SPATA13: variants seen among roughly 807,000 people sequenced by gnomAD.
SPATA13 encodes spermatogenesis associated 13.
SPATA13 carries 50 observed loss-of-function variants against 104.0 expected under a neutral mutation model. The observed-to-expected ratio is 0.48, with a 90% CI of 0.38 to 0.61. The LOEUF (loss-of-function observed/expected upper bound fraction) is 0.61, where lower values mean the gene tolerates loss of function less well. SPATA13 is among the 20% of genes least tolerant of loss of function. The pLI, the probability that SPATA13 is intolerant of heterozygous loss-of-function variation, is 0.00. For missense variants in SPATA13, 1,524 were observed against 1,690.6 expected (o/e 0.90, Z 1.73); for synonymous variants, 606 against 667.5 (o/e 0.91, Z 1.42).
Position 24,189,257 on chromosome 13 carries a change from G to C in SPATA13, c.-112+28325G>C, listed in dbSNP as rs371862175. Reference sequence around the variant, plus strand: ...GAGGCCGAGGCCGGTGGATCACGACGTCAGGAGATGGAGACCATCCTGGCT... The same window carrying C: ...GAGGCCGAGGCCGGTGGATCACGACCTCAGGAGATGGAGACCATCCTGGCT... On this transcript the variant is annotated intron_variant, in intron 1 of 12. Transcript: ENST00000382108. Among the ~76,000 whole-genome samples the C allele has an allele frequency of 7.6e-3, 1,156 of 151,896 alleles. 20 individuals are homozygous for C. The highest frequency in any genetic ancestry group is 0.039 in the South Asian group (189 of 4,810).
chr13:24,232,867 T>A, intron 2 of SPATA13, among the ~76,000 whole-genome samples: 1 of 152,220 alleles, frequency 6.6e-6, no homozygotes, highest in East Asian at 1.9e-4. Context: ...TAATATTTTT[T>A]AAAGAGTCAA....
chr13:24,110,463 A>C (rs1880602716), intron 3 of SPATA13, among the ~76,000 whole-genome samples: 1 of 152,104 alleles, frequency 6.6e-6, no homozygotes, highest in African/African-American at 2.4e-5. Flanking sequence ...TCAACTCCAA[A>C]CCCCTTGACT....
intron 4 of SPATA13, among the ~76,000 whole-genome samples, chr13:24,271,172 T>C (rs1874584414): frequency 1.3e-5 from 2 of 151,844 alleles, no homozygotes; most frequent in Admixed American, 1.3e-4. Flanking sequence ...GTTGAAGAAA[T>C]TGGTTTTGTT....
chr13:24,062,747 G>A (rs1422396577), intron 3 of SPATA13, among the ~76,000 whole-genome samples: 1 of 152,076 alleles, frequency 6.6e-6, no homozygotes, highest in South Asian at 2.1e-4. Context: ...TATGTGCACC[G>A]TGTCTGCATG....
At chr13:24,104,375 A>AT (rs1223710383) in intron 3 of SPATA13, among the ~76,000 whole-genome samples, 3 of 152,058 alleles carry the variant, frequency 2.0e-5, no homozygotes, top group Non-Finnish European at 4.4e-5. Flanking sequence ...AGCCCACTCA[A>AT]TTTTTAGAGA....
chr13:24,122,407 G>C, intron 3 of SPATA13: 1 of 1,588,268 alleles, frequency 6.3e-7, no homozygotes. Flanking sequence ...TTCCAGAGCA[G>C]TCTCTTCCGC....
intron 3 of SPATA13, among the ~76,000 whole-genome samples, chr13:24,075,829 G>A (rs1265357204): frequency 6.6e-6 from 1 of 152,132 alleles, no homozygotes; most frequent in Non-Finnish European, 1.5e-5. Flanking sequence ...GGAGAGCTGG[G>A]CCTGAAAGCA....
chr13:24,006,062 G>A (rs964758542), intron 2 of SPATA13, among the ~76,000 whole-genome samples: 1 of 152,202 alleles, frequency 6.6e-6, no homozygotes, highest in Non-Finnish European at 1.5e-5. Flanking sequence ...GGAGGTGCCT[G>A]CTGTGTTCCT....
intron 2 of SPATA13, among the ~76,000 whole-genome samples, chr13:24,238,702 A>G (rs1872691614): frequency 6.6e-6 from 1 of 152,186 alleles, no homozygotes; most frequent in Non-Finnish European, 1.5e-5. Context: ...AAAGGATTAC[A>G]GCCTCACTCC....
chr13:24,154,393 C>T (rs898221927), intron 3 of SPATA13, among the ~76,000 whole-genome samples: 3 of 152,148 alleles, frequency 2.0e-5, no homozygotes, highest in Non-Finnish European at 2.9e-5. Context: ...GGATGAATCT[C>T]AGACATACTG....
intron 2 of SPATA13, among the ~76,000 whole-genome samples, chr13:24,007,514 T>C (rs1449151477): frequency 2.6e-5 from 4 of 152,190 alleles, no homozygotes; most frequent in African/African-American, 9.6e-5. Flanking sequence ...TGAAGTGTAG[T>C]GGTGCGAACT....
intron 2 of SPATA13, among the ~76,000 whole-genome samples, chr13:23,985,429 T>G (rs1234895459): frequency 6.6e-6 from 1 of 152,236 alleles, no homozygotes; most frequent in Admixed American, 6.5e-5. Flanking sequence ...TGCTGTGGCT[T>G]CTTTCCTCTT....
intron 1 of SPATA13, among the ~76,000 whole-genome samples, chr13:24,199,459 T>G (rs1870280909): frequency 1.3e-5 from 2 of 152,252 alleles, no homozygotes; most frequent in Admixed American, 1.3e-4. Context: ...GGAAAAGCAC[T>G]ATGATGTCTT....
At chr13:24,273,033 G>C (rs1466739907) in intron 4 of SPATA13, 2 of 152,772 alleles carry the variant, frequency 1.3e-5, no homozygotes, top group South Asian at 4.1e-4. Context: ...GGATCGGCAG[G>C]TGTCAGCCAG....
intron 4 of SPATA13, chr13:24,270,796 G>T (rs1874539758): frequency 1.2e-6 from 2 of 1,611,678 alleles, no homozygotes; most frequent in Non-Finnish European, 1.7e-6. Context: ...TGATGCTTGG[G>T]GACCGGCTCC....
At chr13:24,113,341 G>A (rs750925715) in intron 3 of SPATA13, among the ~76,000 whole-genome samples, 9 of 152,140 alleles carry the variant, frequency 5.9e-5, no homozygotes, top group Admixed American at 3.3e-4. Context: ...AGTGGCTCAC[G>A]CTTGTAATCC....
chr13:24,251,280 G>A (rs1873462830), intron 3 of SPATA13, among the ~76,000 whole-genome samples: 1 of 152,232 alleles, frequency 6.6e-6, no homozygotes, highest in African/African-American at 2.4e-5. Flanking sequence ...TGAGGCTGAA[G>A]AAGGATGTGA....
intron 4 of SPATA13, among the ~76,000 whole-genome samples, chr13:24,258,287 A>T (rs1873885495): frequency 1.3e-5 from 2 of 151,070 alleles, no homozygotes; most frequent in African/African-American, 2.4e-5. Context: ...ATAAGAAAGC[A>T]AGTAAAAAGT....
intron 1 of SPATA13, among the ~76,000 whole-genome samples, chr13:24,197,227 A>G (rs1034759045): frequency 6.6e-6 from 1 of 152,236 alleles, no homozygotes; most frequent in Non-Finnish European, 1.5e-5. Flanking sequence ...GTGATGGAAT[A>G]GTCAAGTATA....
Sources: allele counts gnomAD v4.1 joint callset (sites outside exome capture counted in the v4.1 genomes callset), GRCh38; gene constraint gnomAD v4.1.1; transcripts MANE v1.5; gene names NCBI Gene and HGNC (gene_info 2026-07-23, HGNC 2026-07-21).